The following BCO1 variants were observed in gnomAD, a reference collection of about 807,000 sequenced individuals.
BCO1 encodes the protein beta,beta-carotene 15,15'-dioxygenase.
BCO1 carries 54 observed loss-of-function variants against 56.3 expected under a neutral mutation model. The observed-to-expected ratio is 0.96, with a 90% CI of 0.77 to 1.20. The LOEUF (loss-of-function observed/expected upper bound fraction) is 1.20, where lower values mean the gene tolerates loss of function less well. BCO1 is among the 50% of genes most tolerant of loss of function. BCO1 has a pLI of 0.00. For missense variants in BCO1, 801 were observed against 690.9 expected, an observed-to-expected ratio of 1.16 and a Z score of -1.79; for synonymous variants, 318 against 266.1, an observed-to-expected ratio of 1.20 and a Z score of -1.90.
rs760214158 is a variant in BCO1, at chr16:81,270,272, C to A, written c.957C>A (p.Ile319=). 6 of 1,614,188 alleles carry A rather than the reference C, an allele frequency of 3.7e-6. No individual in the cohort carries two copies. The Admixed American group carries it at 6.7e-5, about 18-fold the overall frequency. Residue 319 remains isoleucine (I), a synonymous_variant, in exon 7 of 11, where the codon ATC becomes ATA. Transcript: ENST00000258168. ...ACGCCTACGAAGAGGACGGCTGCAT[C>A]GTGTTTGACGTCATTGCCTACGAGG... ...HVNAYEEDGC[I]VFDVIAYEDN... is the part of the protein sequence containing the mutation.
chr16:81,257,702 C>T (rs1388344189), intron 2 of BCO1, among the ~76,000 whole-genome samples: 2 of 151,602 alleles, frequency 1.3e-5, no homozygotes, highest in African/African-American at 4.8e-5. Context: ...ATGGCAAAAC[C>T]CTGTCTCTAC....
At chr16:81,261,961 C>G in intron 3 of BCO1, 175 bp from the exon 4 acceptor site, 4 of 708,876 alleles carry the variant, frequency 5.6e-6, no homozygotes, top group Non-Finnish European at 9.8e-6. Context: ...CCAGGATGGT[C>G]TCAATCTCCT....
chr16:81,269,065 C>CTTTTTTTTT (rs71146003), intron 6 of BCO1, among the ~76,000 whole-genome samples: 7 of 83,072 alleles, frequency 8.4e-5, no homozygotes, highest in African/African-American at 2.2e-4. Flanking sequence ...TGCACCTGGT[C>CTTTTTTTTT]TTTTTTTTTT....
chr16:81,250,627 C>G (rs1444568482), intron 2 of BCO1, among the ~76,000 whole-genome samples: 1 of 130,076 alleles, frequency 7.7e-6, no homozygotes, highest in Admixed American at 9.3e-5. Flanking sequence ...GTTGCCCAGG[C>G]TGGAGTACAG....
At chr16:81,269,505 T>A (rs1186872725) in intron 6 of BCO1, among the ~76,000 whole-genome samples, 1 of 152,104 alleles carries the variant, frequency 6.6e-6, no homozygotes, top group Admixed American at 6.6e-5. Context: ...TCCATGCTTG[T>A]CGCCTAGGCT....
chr16:81,263,277 A>AT (rs547074970), intron 4 of BCO1: 1 of 151,522 alleles, frequency 6.6e-6, no homozygotes, highest in Non-Finnish European at 1.5e-5. Context: ...CACTTCACTA[A>AT]TTTTTTGTAT....
At chr16:81,239,759 C>G (rs928596256) in intron 1 of BCO1, among the ~76,000 whole-genome samples, 1 of 152,138 alleles carries the variant, frequency 6.6e-6, no homozygotes, top group Admixed American at 6.5e-5. Context: ...GGAGTAGGAC[C>G]TTCTATCCTT....
intron 1 of BCO1, among the ~76,000 whole-genome samples, 175 bp downstream of exon 1, chr16:81,239,147 G>A (rs571637492): frequency 5.9e-5 from 9 of 151,748 alleles, no homozygotes; most frequent in Non-Finnish European, 1.0e-4. Flanking sequence ...CTCCCGAGTA[G>A]CTGAGATTAC....
intron 1 of BCO1, among the ~76,000 whole-genome samples, chr16:81,239,625 G>A (rs1447159822): frequency 6.6e-6 from 1 of 152,074 alleles, no homozygotes; most frequent in East Asian, 1.9e-4. Flanking sequence ...GTTTCAAAAT[G>A]CTTAGAGGGG....
chr16:81,268,154 C>A, intron 6 of BCO1, 23 bp downstream of exon 6: 3 of 1,593,218 alleles, frequency 1.9e-6, no homozygotes, highest in Non-Finnish European at 1.7e-6. Flanking sequence ...TGGACTCTAG[C>A]CCAGTGGGTG....
chr16:81,244,253 G>T (rs1905268307), intron 1 of BCO1, among the ~76,000 whole-genome samples: 1 of 152,230 alleles, frequency 6.6e-6, no homozygotes, highest in South Asian at 2.1e-4. Context: ...GAGCAGGGCT[G>T]TCCCCTAGAA....
intron 7 of BCO1, among the ~76,000 whole-genome samples, chr16:81,271,117 T>TA (rs1279639012): frequency 5.4e-5 from 5 of 92,984 alleles, no homozygotes; most frequent in African/African-American, 1.6e-4. Flanking sequence ...TATTTATTTT[T>TA]TTTTTTATTT....
Position 81,278,296 on chromosome 16 carries a change from C to A in BCO1, c.1102-2561C>A, listed in dbSNP as rs2150636106. On this transcript the variant is annotated intron_variant, in intron 7 of 10. Coordinates refer to ENST00000258168, the MANE Select transcript of BCO1 (RefSeq NM_017429.3). ...ACCTCAGATGATCCACCCACCTCGG[C>A]CTCCCAAAGTGCTGGGATTACAGGC... 1.3e-5 allele frequency among the ~76,000 whole-genome samples: 2 copies of A among 152,238 alleles called. 1 individual carries two copies.
chr16:81,268,222 TGGCATGGAAGA>T (rs72229864), intron 6 of BCO1, 91 bp downstream of exon 6: 67,497 of 1,231,406 alleles, frequency 0.055, 5,440 homozygotes, highest in African/African-American at 0.36. Flanking sequence ...GGCAAGGAAG[TGGCATGGAAGA>T]GGGAGGAGGC....
chr16:81,280,766 T>G, intron 7 of BCO1, 91 bp from the exon 8 acceptor site: 1 of 899,426 alleles, frequency 1.1e-6, no homozygotes, highest in South Asian at 1.4e-5. Flanking sequence ...TGACATGTAT[T>G]CAAGCATTTT....
At chr16:81,270,471 G>A (rs1907126728) in intron 7 of BCO1, 55 bp downstream of exon 7, 2 of 1,608,390 alleles carry the variant, frequency 1.2e-6, no homozygotes, top group East Asian at 2.2e-5. Context: ...GGCCCAGGTG[G>A]GAAGTTACTT....
intron 6 of BCO1, among the ~76,000 whole-genome samples, chr16:81,268,340 T>C (rs1053030797): frequency 1.3e-5 from 2 of 152,154 alleles, no homozygotes; most frequent in African/African-American, 4.8e-5. Flanking sequence ...GATGAGTTAT[T>C]GGATGAGGCT....
At chr16:81,261,804 C>A in intron 3 of BCO1, 1 of 340,264 alleles carries the variant, frequency 2.9e-6, no homozygotes, top group South Asian at 2.4e-5. Flanking sequence ...TGTAGTGGCG[C>A]CATCTCGGTT....
At chr16:81,247,453 A>G (rs1403983645) in intron 2 of BCO1, among the ~76,000 whole-genome samples, 1 of 152,140 alleles carries the variant, frequency 6.6e-6, no homozygotes, top group Non-Finnish European at 1.5e-5. Context: ...GCTTGATCCC[A>G]GGAGTTCCAG....
Sources: gnomAD v4.1 joint callset for allele counts (sites outside exome capture counted in the v4.1 genomes callset) on GRCh38, gnomAD v4.1.1 for gene constraint, MANE v1.5 for transcripts, NCBI Gene and HGNC (gene_info 2026-07-23, HGNC 2026-07-21) for gene names.